The following RASA2 variants were observed in gnomAD, a reference collection of about 807,000 sequenced individuals.
The protein encoded by RASA2 is RAS p21 protein activator 2.
In RASA2, 155 loss-of-function variants were observed where a neutral mutation model predicts 118.2. The ratio of observed to expected loss-of-function variants is 1.31; its 90% CI spans 1.15 to 1.50. The LOEUF (loss-of-function observed/expected upper bound fraction) is 1.50, where lower values mean the gene tolerates loss of function less well. Among genes scored for constraint, RASA2 ranks in the 40% most tolerant of loss-of-function variants. RASA2 has a pLI of 0.00. For synonymous variants in RASA2, 353 were observed against 349.1 expected (o/e 1.01, Z -0.12); for missense variants, 1,016 against 1,009.6 (o/e 1.01, Z -0.09).
intron 1 of RASA2, among the ~76,000 whole-genome samples, chr3:141,502,186 C>T (rs879838566): frequency 1.3e-5 from 2 of 152,126 alleles, no homozygotes; most frequent in Admixed American, 6.6e-5. Context: ...AAGGGATATT[C>T]GATCTGTATT....
At chr3:141,565,707 C>T (rs1007487367) in intron 9 of RASA2, among the ~76,000 whole-genome samples, 1 of 152,180 alleles carries the variant, frequency 6.6e-6, no homozygotes, top group Non-Finnish European at 1.5e-5. Flanking sequence ...GTCAATTAAA[C>T]CTCTTTCCTT....
intron 9 of RASA2, among the ~76,000 whole-genome samples, chr3:141,564,214 A>G (rs1467617430): frequency 6.6e-6 from 1 of 152,142 alleles, no homozygotes; most frequent in Non-Finnish European, 1.5e-5. Context: ...CAGTTATATG[A>G]GAGTAAAGAG....
intron 11 of RASA2, 55 bp from the exon 12 acceptor site, chr3:141,572,554 T>G: frequency 8.1e-7 from 1 of 1,241,444 alleles, no homozygotes; most frequent in Non-Finnish European, 1.2e-6. Flanking sequence ...TATGTTATAT[T>G]ATTGGTTTCA....
intron 17 of RASA2, among the ~76,000 whole-genome samples, chr3:141,584,330 CAAA>C (rs56396460): frequency 0.026 from 1,603 of 60,708 alleles, 32 homozygotes; most frequent in African/African-American, 0.081. Flanking sequence ...AACTCCATCC[CAAA>C]AAAAAAAAAA....
At chr3:141,565,289 G>A (rs1023628703) in intron 9 of RASA2, among the ~76,000 whole-genome samples, 1 of 152,120 alleles carries the variant, frequency 6.6e-6, no homozygotes, top group Admixed American at 6.6e-5. Context: ...TTGACCTTCA[G>A]GTTCACTTTA....
At chr3:141,549,484 C>CGCGTGT (rs1553790658) in intron 5 of RASA2, among the ~76,000 whole-genome samples, 18 of 145,212 alleles carry the variant, frequency 1.2e-4, no homozygotes, top group African/African-American at 4.6e-4. Flanking sequence ...TGTGTGTGTG[C>CGCGTGT]GTGTGTGTGT....
At position 141,513,583 on chromosome 3, in the gene RASA2, T is replaced by A. The variant is rs114809142; in HGVS notation, c.251+1303T>A. On this transcript the variant is annotated intron_variant, in intron 2 of 23. Coordinates refer to ENST00000286364, the MANE Select transcript of RASA2 (RefSeq NM_006506.5). ...ATTTGACTAATAGTTCTTTTTGCAT[T>A]GATTTCTATGTTGAAATTAATTAGA... 3.8e-3 allele frequency among the ~76,000 whole-genome samples: 572 copies of A among 152,366 alleles called. 3 individuals are homozygous for A. Among genetic ancestry groups the A allele is most frequent in the South Asian group, 0.01 (49 of 4,832 alleles).
intron 21 of RASA2, among the ~76,000 whole-genome samples, 173 bp from the exon 22 acceptor site, chr3:141,609,247 A>G (rs896226329): frequency 6.6e-6 from 1 of 152,194 alleles, no homozygotes; most frequent in African/African-American, 2.4e-5. Flanking sequence ...TCACATAACA[A>G]CCAAAACTCT....
At chr3:141,601,433 CACTGTCTCCAAAAAAAAAGA>C (rs952390259) in intron 19 of RASA2, among the ~76,000 whole-genome samples, 4 of 150,552 alleles carry the variant, frequency 2.7e-5, no homozygotes, top group African/African-American at 4.9e-5. Flanking sequence ...AGACTGTCTC[CACTGTCTCCAAAAAAAAAGA>C]AAAAAAAAAG....
intron 3 of RASA2, among the ~76,000 whole-genome samples, chr3:141,523,323 GC>G (rs1304148468): frequency 6.6e-6 from 1 of 151,862 alleles, no homozygotes; most frequent in African/African-American, 2.4e-5. Context: ...ACGAGGTTTC[GC>G]CATTTGGCCA....
chr3:141,562,380 T>C (rs542457207), intron 9 of RASA2, among the ~76,000 whole-genome samples: 81 of 148,628 alleles, frequency 5.4e-4, no homozygotes, highest in African/African-American at 1.9e-3. Context: ...TCCCAGCACT[T>C]TGGGAGCGCA....
chr3:141,609,398 T>TA, intron 21 of RASA2, 22 bp from the exon 22 acceptor site: 1 of 1,410,130 alleles, frequency 7.1e-7, no homozygotes, highest in African/African-American at 1.5e-5. Flanking sequence ...ATAATATCTT[T>TA]ATTTTTTTAT....
chr3:141,608,116 C>T (rs1259300863), intron 20 of RASA2, among the ~76,000 whole-genome samples: 5 of 152,176 alleles, frequency 3.3e-5, no homozygotes, highest in Non-Finnish European at 5.9e-5. Flanking sequence ...TTGTCTTCTG[C>T]TCCCATTCAG....
At chr3:141,553,141 G>A (rs1032526640) in intron 5 of RASA2, among the ~76,000 whole-genome samples, 2 of 152,194 alleles carry the variant, frequency 1.3e-5, no homozygotes, top group African/African-American at 2.4e-5. Context: ...ATTGTGTGAA[G>A]CTTGCCCTAT....
At chr3:141,505,882 AGATAT>A (rs1348296950) in intron 1 of RASA2, among the ~76,000 whole-genome samples, 2 of 152,178 alleles carry the variant, frequency 1.3e-5, no homozygotes, top group Admixed American at 6.5e-5. Flanking sequence ...TGATTTAGGA[AGATAT>A]GATGTAGAAA....
chr3:141,506,103 T>C (rs2081862200), intron 1 of RASA2, among the ~76,000 whole-genome samples: 1 of 152,244 alleles, frequency 6.6e-6, no homozygotes. Context: ...AGTTATGTTG[T>C]AAGTCGTAAT....
Position 141,516,436 on chromosome 3 carries a change from G to C in RASA2, c.355+5G>C. 1 of 1,437,730 alleles carries C rather than the reference G, an allele frequency of 7.0e-7. No homozygotes were observed. The highest frequency in any genetic ancestry group is 9.2e-7 in the Non-Finnish European group (1 of 1,089,474). 89.1% of individuals were successfully genotyped at this position (1,437,730 alleles called of 1,614,324 possible). A position where few individuals can be genotyped will look rare whatever the true frequency, so the allele number is the denominator to read the frequency against. ...TACAAAGAGATCTCCGTATAGGTAT[G>C]TACTATTCATAATTATCTTTAATCA... On this transcript the variant is annotated splice_donor_5th_base_variant and intron_variant, in intron 3 of 23. Coordinates refer to ENST00000286364, the MANE Select transcript of RASA2 (RefSeq NM_006506.5).
At chr3:141,519,736 G>A (rs1400524152) in intron 3 of RASA2, among the ~76,000 whole-genome samples, 2 of 152,104 alleles carry the variant, frequency 1.3e-5, no homozygotes, top group African/African-American at 4.8e-5. Flanking sequence ...CACCCTTGAA[G>A]CTGTATCCTC....
chr3:141,577,596 A>G (rs1302348522), intron 15 of RASA2, among the ~76,000 whole-genome samples: 1 of 152,182 alleles, frequency 6.6e-6, no homozygotes, highest in Non-Finnish European at 1.5e-5. Context: ...AACAGCATCT[A>G]AGATAGATTT....
Sources: gnomAD v4.1 joint callset for allele counts (sites outside exome capture counted in the v4.1 genomes callset) on GRCh38, gnomAD v4.1.1 for gene constraint, MANE v1.5 for transcripts, NCBI Gene and HGNC (gene_info 2026-07-23, HGNC 2026-07-21) for gene names.